The following CD99 variants were observed in gnomAD, a reference collection of about 807,000 sequenced individuals.
CD99 encodes CD99 molecule (Xg blood group).
In CD99, 19 loss-of-function variants were observed where a neutral mutation model predicts 28.4. The observed-to-expected ratio is 0.67, with a 90% confidence interval of 0.47 to 0.98. The LOEUF (loss-of-function observed/expected upper bound fraction) is 0.98. Among genes scored for constraint, CD99 ranks in the 50% least tolerant of loss-of-function variants. The pLI, the probability that CD99 is intolerant of heterozygous loss-of-function variation, is 0.00. For missense variants in CD99, 283 were observed against 248.8 expected, an observed-to-expected ratio of 1.14 and a Z score of -0.92; for synonymous variants, 103 against 92.1, an observed-to-expected ratio of 1.12 and a Z score of -0.67.
At chrX:2,720,055 G>A (rs1022750445) in intron 4 of CD99, among the ~76,000 whole-genome samples, 61 of 152,274 alleles carry the variant, frequency 4.0e-4, no homozygotes, top group Non-Finnish European at 5.7e-4. Context: ...CTCTGTTGCC[G>A]CCATCTTGGA....
At chrX:2,703,905 C>T (rs2047998971) in intron 1 of CD99, among the ~76,000 whole-genome samples, 1 of 152,024 alleles carries the variant, frequency 6.6e-6, no homozygotes, top group Non-Finnish European at 1.5e-5. Flanking sequence ...GGGCTGGCAT[C>T]TGCCTGTGGA....
In CD99 at chrX:2,720,348, A is replaced by C. The variant is rs1170828130; in HGVS notation, c.194-8A>C. 3 of 1,613,336 alleles carry C rather than the reference A, an allele frequency of 1.9e-6. No homozygotes were observed. The African/African-American group carries it at 4.0e-5, about 22-fold the overall frequency. The stretch of plus-strand genomic sequence containing the variant: ...CTTAAAATTGCAACTCTCATCTTTC[A>C]CAAACAGACGACCCACGACCACCGA... On this transcript the variant is annotated splice_region_variant and splice_polypyrimidine_tract_variant and intron_variant, in intron 4 of 9. Coordinates refer to ENST00000381192, the MANE Select transcript of CD99 (RefSeq NM_002414.5).
At chrX:2,736,373 G>A (rs777255711) in intron 8 of CD99, among the ~76,000 whole-genome samples, 113 of 152,062 alleles carry the variant, frequency 7.4e-4, no homozygotes, top group Non-Finnish European at 1.4e-3. Context: ...GCTTCCCTTT[G>A]TGTTGAAAAC....
At chrX:2,714,366 T>C in intron 1 of CD99, 56 bp from the exon 2 acceptor site, 2 of 1,384,396 alleles carry the variant, frequency 1.4e-6, no homozygotes, top group Middle Eastern at 1.8e-4. Flanking sequence ...CTCTATAATA[T>C]TCAAATTTAT....
Position 2,726,312 on chromosome X carries a change from G to A in CD99, c.414G>A (p.Val138=), listed in dbSNP as rs146973165. 5.7e-4 allele frequency: 912 copies of A among 1,612,230 alleles called. 4 individuals are homozygous for A. In the African/African-American group the frequency reaches 9.4e-3, roughly 17 times the overall value. ...PGIVGAVVVA[V]AGAISSFIAY... ...TTGTGGGGGCTGTCGTGGTCGCCGT[G>A]GCTGGAGCCATCTCTAGCTTCATTG... is the stretch of plus-strand genomic sequence containing the variant. The change falls in exon 8 of 10, where the codon GTG becomes GTA. Residue 138 remains valine, a synonymous_variant. Transcript: ENST00000381192.
chrX:2,694,250 G>A (rs1370055929), intron 1 of CD99, among the ~76,000 whole-genome samples: 1 of 150,762 alleles, frequency 6.6e-6, no homozygotes, highest in African/African-American at 2.4e-5. Context: ...GGATTCCCTC[G>A]CCCCAGTAGA....
intron 2 of CD99, chrX:2,714,770 G>C: frequency 3.4e-6 from 1 of 294,080 alleles, no homozygotes; most frequent in Non-Finnish European, 6.3e-6. Flanking sequence ...CTTGCCACAG[G>C]GTTGCTGCAG....
At chrX:2,696,147 CA>C (rs1352753773) in intron 1 of CD99, among the ~76,000 whole-genome samples, 2 of 152,186 alleles carry the variant, frequency 1.3e-5, no homozygotes, top group African/African-American at 4.8e-5. Context: ...CAGAGAAAGA[CA>C]AAGGACTTTG....
intron 8 of CD99, among the ~76,000 whole-genome samples, chrX:2,730,165 A>C (rs1055943562): frequency 6.9e-5 from 9 of 129,966 alleles, no homozygotes; most frequent in African/African-American, 2.5e-4. Context: ...AGATATAAAA[A>C]TAAAAATACC....
intron 8 of CD99, among the ~76,000 whole-genome samples, chrX:2,735,209 A>C (rs763550523): frequency 6.6e-6 from 1 of 152,296 alleles, no homozygotes; most frequent in African/African-American, 2.4e-5. Context: ...CCCCAAGCAC[A>C]CGGTGTGTGT....
intron 1 of CD99, among the ~76,000 whole-genome samples, chrX:2,706,865 G>C (rs896083776): frequency 6.6e-6 from 1 of 151,720 alleles, no homozygotes; most frequent in African/African-American, 2.4e-5. Context: ...CTGTCGCCCA[G>C]GCTGGAGTGC....
intron 1 of CD99, 56 bp from the exon 2 acceptor site, chrX:2,714,366 T>A: frequency 5.8e-6 from 8 of 1,384,394 alleles, no homozygotes; most frequent in Non-Finnish European, 8.1e-6. Context: ...CTCTATAATA[T>A]TCAAATTTAT....
chrX:2,701,906 G>GT (rs1225427812), intron 1 of CD99, among the ~76,000 whole-genome samples: 1 of 152,230 alleles, frequency 6.6e-6, no homozygotes, highest in Non-Finnish European at 1.5e-5. Context: ...GTTAAAATCT[G>GT]TAACAGGTCC....
chrX:2,697,248 T>C (rs922034673), intron 1 of CD99, among the ~76,000 whole-genome samples: 3 of 152,196 alleles, frequency 2.0e-5, no homozygotes, highest in African/African-American at 7.2e-5. Context: ...TAATTCACTT[T>C]GCTTTCTCAA....
Position 2,691,378 on chromosome X carries a change from G to T in CD99, c.18G>T (p.Ala6=). MARGA[A]LALLLFGLLG... is the part of the protein sequence containing the mutation. ...GGCGCACCATGGCCCGCGGGGCTGC[G>T]CTGGCGCTGCTGCTCTTCGGCCTGC... Residue 6 remains alanine, a synonymous_variant, in exon 1 of 10, where the codon GCG becomes GCT. Coordinates refer to ENST00000381192, the MANE Select transcript of CD99 (RefSeq NM_002414.5). The T allele has an allele frequency of 6.3e-7, 1 of 1,577,690 alleles. No individual in the cohort carries two copies. The highest frequency in any genetic ancestry group is 8.5e-7 in the Non-Finnish European group (1 of 1,171,820).
At chrX:2,719,738 G>A in intron 4 of CD99, 33 bp downstream of exon 4, 2 of 1,593,312 alleles carry the variant, frequency 1.3e-6, no homozygotes, top group Non-Finnish European at 1.7e-6. Context: ...TTCTGCTGCT[G>A]ATCTGCTTAT....
At chrX:2,728,196 G>GTTTT (rs2049392767) in intron 8 of CD99, among the ~76,000 whole-genome samples, 1 of 128,392 alleles carries the variant, frequency 7.8e-6, no homozygotes, top group African/African-American at 3.1e-5. Flanking sequence ...GTGTTTGGTT[G>GTTTT]TTTCTTTTTT....
intron 1 of CD99, among the ~76,000 whole-genome samples, chrX:2,710,668 G>C (rs1206121623): frequency 6.6e-6 from 1 of 151,516 alleles, no homozygotes; most frequent in African/African-American, 2.4e-5. Context: ...GGTGGAGGGG[G>C]TGGGGACTTG....
At chrX:2,712,468 A>G (rs1174272049) in intron 1 of CD99, among the ~76,000 whole-genome samples, 1 of 152,180 alleles carries the variant, frequency 6.6e-6, no homozygotes, top group Non-Finnish European at 1.5e-5. Flanking sequence ...CTATGGAAAC[A>G]TATGAACATG....
Sources: gnomAD v4.1 joint callset for allele counts (sites outside exome capture counted in the v4.1 genomes callset) on GRCh38, gnomAD v4.1.1 for gene constraint, MANE v1.5 for transcripts, NCBI Gene and HGNC (gene_info 2026-07-23, HGNC 2026-07-21) for gene names.